The following CNTN5 variants were observed in gnomAD, a reference collection of about 807,000 sequenced individuals.
CNTN5 encodes the protein contactin-5.
In CNTN5, 77 loss-of-function variants were observed where a neutral mutation model predicts 129.1. That is an observed-to-expected ratio of 0.60 (90% CI 0.50 to 0.72). CNTN5 has a LOEUF of 0.72. Ranked by LOEUF, CNTN5 falls within the 30% of genes least tolerant of loss-of-function variation. The probability of loss-of-function intolerance (pLI) is 0.00; values close to 1 mark genes in which losing one functional copy is unlikely to be tolerated. For missense variants in CNTN5, 1,478 were observed against 1,328.8 expected, an observed-to-expected ratio of 1.11 and a Z score of -1.75; for synonymous variants, 509 against 465.6, an observed-to-expected ratio of 1.09 and a Z score of -1.20.
At chr11:100,049,499 A>G (rs1057254153) in intron 9 of CNTN5, among the ~76,000 whole-genome samples, 2 of 152,202 alleles carry the variant, frequency 1.3e-5, no homozygotes, top group African/African-American at 4.8e-5. Flanking sequence ...TTATAATGCT[A>G]GACTTAAACC....
chr11:99,549,105 A>G (rs1290293780), intron 2 of CNTN5, among the ~76,000 whole-genome samples: 1 of 125,544 alleles, frequency 8.0e-6, no homozygotes, highest in Non-Finnish European at 1.7e-5. Context: ...TTTTTTTTTT[A>G]TAACACAAGT....
At chr11:99,422,516 TTTTATATATATATATATATATATA>T (rs1253063143) in intron 2 of CNTN5, among the ~76,000 whole-genome samples, 129 of 100,418 alleles carry the variant, frequency 1.3e-3, no homozygotes, top group African/African-American at 4.7e-3. Flanking sequence ...TACTTTATAT[TTTTATATATATATATATATATATA>T]TATATATATA....
chr11:99,070,035 T>G (rs144425313), intron 1 of CNTN5, among the ~76,000 whole-genome samples: 1,618 of 152,316 alleles, frequency 0.011, 17 homozygotes, highest in Middle Eastern at 0.031. Flanking sequence ...CTCTTCAGGC[T>G]GCCTCTCTCC....
At chr11:99,600,207 C>T (rs1158764528) in intron 3 of CNTN5, among the ~76,000 whole-genome samples, 2 of 151,928 alleles carry the variant, frequency 1.3e-5, no homozygotes, top group Non-Finnish European at 2.9e-5. Flanking sequence ...AACAAAATTC[C>T]TCATGTACTC....
intron 1 of CNTN5, among the ~76,000 whole-genome samples, chr11:99,249,740 G>A (rs555384754): frequency 6.6e-6 from 1 of 151,986 alleles, no homozygotes; most frequent in Non-Finnish European, 1.5e-5. Flanking sequence ...TTAAACCTCA[G>A]TGGAAGAATT....
rs999035354 is a variant in CNTN5 at position 99,213,837 on chromosome 11, T to G, written c.-209-111509T>G. ...AAATATGAGGCAGAGATCTATCTTTTACATAATCCTAAATATTCTTTTGAA... is the reference window on the plus strand; with the variant it reads ...AAATATGAGGCAGAGATCTATCTTTGACATAATCCTAAATATTCTTTTGAA... On this transcript the variant is annotated intron_variant, in intron 1 of 24. Transcript: ENST00000524871. Among the ~76,000 whole-genome samples, 9 of 152,280 alleles carry G rather than the reference T, an allele frequency of 5.9e-5. No homozygotes were observed. The East Asian group carries it at 1.7e-3, about 29-fold the overall frequency.
At chr11:99,706,057 C>A (rs968898245) in intron 3 of CNTN5, among the ~76,000 whole-genome samples, 5 of 151,482 alleles carry the variant, frequency 3.3e-5, no homozygotes, top group Admixed American at 1.3e-4. Flanking sequence ...AATAACTGAG[C>A]TCTGTTGGCT....
At chr11:100,265,709 G>A (rs1017861001) in intron 17 of CNTN5, among the ~76,000 whole-genome samples, 3 of 152,084 alleles carry the variant, frequency 2.0e-5, no homozygotes, top group Non-Finnish European at 2.9e-5. Context: ...CTCTAGCTGA[G>A]CACATCTTGG....
chr11:99,538,069 C>T (rs1479707728), intron 2 of CNTN5, among the ~76,000 whole-genome samples: 1 of 152,178 alleles, frequency 6.6e-6, no homozygotes, highest in Non-Finnish European at 1.5e-5. Flanking sequence ...TAAATTCTCA[C>T]ACCAGTCTGC....
At chr11:100,076,874 T>C (rs182211829) in intron 13 of CNTN5, among the ~76,000 whole-genome samples, 38 of 152,194 alleles carry the variant, frequency 2.5e-4, no homozygotes, top group African/African-American at 6.7e-4. Flanking sequence ...TGTTACCATA[T>C]CTGGCAGCCC....
At chr11:99,467,579 A>G (rs1428516416) in intron 2 of CNTN5, among the ~76,000 whole-genome samples, 1 of 152,020 alleles carries the variant, frequency 6.6e-6, no homozygotes, top group Non-Finnish European at 1.5e-5. Context: ...TTGCCCCAAT[A>G]TTAGTCTTTT....
At chr11:99,600,098 CTACACTTAACAAAAATGTGCTG>C (rs1001817802) in intron 3 of CNTN5, among the ~76,000 whole-genome samples, 2 of 152,010 alleles carry the variant, frequency 1.3e-5, no homozygotes, top group African/African-American at 4.8e-5. Flanking sequence ...AGTAAAATGG[CTACACTTAACAAAAATGTGCTG>C]TACACTTAAC....
At chr11:100,118,350 A>G (rs367889012) in intron 13 of CNTN5, among the ~76,000 whole-genome samples, 18 of 151,986 alleles carry the variant, frequency 1.2e-4, no homozygotes, top group African/African-American at 4.3e-4. Context: ...CTTGTGATCA[A>G]TATCAAAAAA....
chr11:99,697,065 C>CA (rs1296033960), intron 3 of CNTN5, among the ~76,000 whole-genome samples: 1 of 151,576 alleles, frequency 6.6e-6, no homozygotes, highest in Non-Finnish European at 1.5e-5. Context: ...TTGAGCAATC[C>CA]AAAAAAATAG....
rs199670730 is a variant in CNTN5, at chr11:99,956,938, G to T, written c.806G>T (p.Cys269Phe). 6.2e-7 allele frequency: 1 copy of T among 1,613,738 alleles called. No homozygotes were observed. Among genetic ancestry groups the T allele is most frequent in the African/African-American group, 1.3e-5 (1 of 74,898 alleles). Residue 269 changes from cysteine (C) to phenylalanine (F), a missense_variant, in exon 8 of 25, where the codon TGT becomes TTT. By Grantham distance (205) the Cys-to-Phe change is radical. Transcript: ENST00000524871. Reference protein sequence around the residue: ...VQTSDVGSYICLVKNTVTNAR... With the variant: ...VQTSDVGSYIFLVKNTVTNAR... ...ACATCAGATGTTGGCAGCTATATTT[G>T]TCTGGTGAAAAACACAGTGACGAAT...
intron 2 of CNTN5, among the ~76,000 whole-genome samples, chr11:99,413,833 G>GA (rs1942512651): frequency 2.0e-5 from 3 of 152,124 alleles, no homozygotes; most frequent in South Asian, 2.1e-4. Context: ...ATCTGCAAGT[G>GA]AAAAAAATCC....
chr11:99,588,990 T>C lies in CNTN5; in HGVS notation c.55+32721T>C, dbSNP rs376066613. On this transcript the variant is annotated intron_variant, in intron 3 of 24. Transcript: ENST00000524871. Reference sequence around the variant, plus strand: ...GGCTTGATATTTTTGTGTATAGAAATGAAAATAACAAAAGCAATAATATAT... The same window carrying C: ...GGCTTGATATTTTTGTGTATAGAAACGAAAATAACAAAAGCAATAATATAT... 2.2e-4 allele frequency among the ~76,000 whole-genome samples: 34 copies of C among 152,308 alleles called. 1 individual carries two copies. The South Asian group carries it at 6.6e-3, about 30-fold the overall frequency.
chr11:99,740,785 AT>A (rs1476294949), intron 3 of CNTN5, among the ~76,000 whole-genome samples: 1 of 152,188 alleles, frequency 6.6e-6, no homozygotes. Context: ...CTGAAGAAAT[AT>A]GGATATCTAG....
intron 15 of CNTN5, among the ~76,000 whole-genome samples, chr11:100,205,566 G>A (rs1269303382): frequency 6.6e-6 from 1 of 151,960 alleles, no homozygotes; most frequent in Non-Finnish European, 1.5e-5. Context: ...AATAATTGAA[G>A]CCTCTATTGA....
Sources: allele counts gnomAD v4.1 joint callset (sites outside exome capture counted in the v4.1 genomes callset), GRCh38; gene constraint gnomAD v4.1.1; transcripts MANE v1.5; gene names NCBI Gene and HGNC (gene_info 2026-07-23, HGNC 2026-07-21).